DNAH6: variants seen among roughly 807,000 people sequenced by gnomAD.
DNAH6 encodes the protein axonemal beta dynein heavy chain 6.
Under a neutral mutation model 491.4 loss-of-function variants are expected in DNAH6, and 340 were observed. The ratio of observed to expected loss-of-function variants is 0.69; its 90% confidence interval spans 0.63 to 0.76. The LOEUF is 0.76. Among genes scored for constraint, DNAH6 ranks in the 30% least tolerant of loss-of-function variants. The pLI is 0.00. For missense variants in DNAH6, 4,443 were observed against 4,972.2 expected (o/e 0.89, Z 3.20); for synonymous variants, 1,603 against 1,686.1 (o/e 0.95, Z 1.21).
intron 4 of DNAH6, among the ~76,000 whole-genome samples, chr2:84,543,453 G>A (rs900134604): frequency 6.6e-6 from 1 of 151,986 alleles, no homozygotes; most frequent in Non-Finnish European, 1.5e-5. Context: ...TTTCAATAAG[G>A]TGCTATATCA....
At chr2:84,598,089 G>C (rs1187883458) in intron 18 of DNAH6, among the ~76,000 whole-genome samples, 1 of 142,506 alleles carries the variant, frequency 7.0e-6, no homozygotes, top group East Asian at 1.9e-4. Flanking sequence ...AAGTGAACTC[G>C]TGGTTACTCG....
chr2:84,477,606 A>T, the DNAH6 span, among the ~76,000 whole-genome samples: 1 of 152,120 alleles, frequency 6.6e-6, no homozygotes, highest in African/African-American at 2.4e-5. Flanking sequence ...TCCTTTACTG[A>T]TCATGGACAC....
chr2:84,571,740 C>T (rs1225284568), intron 11 of DNAH6, among the ~76,000 whole-genome samples: 1 of 149,540 alleles, frequency 6.7e-6, no homozygotes, highest in Non-Finnish European at 1.5e-5. Context: ...TGTGAAACCC[C>T]ATCTCTACTA....
intron 30 of DNAH6, 130 bp from the exon 31 acceptor site, chr2:84,637,080 G>A: frequency 6.9e-6 from 5 of 720,476 alleles, no homozygotes; most frequent in Non-Finnish European, 1.1e-5. Flanking sequence ...GTTCCCTGTT[G>A]TCCAACAATG....
At chr2:84,548,209 ATCTTT>A in intron 7 of DNAH6, 74 bp from the exon 8 acceptor site, 6 of 1,422,134 alleles carry the variant, frequency 4.2e-6, no homozygotes, top group South Asian at 1.5e-5. Flanking sequence ...AATTTTGTTT[ATCTTT>A]TCTTTGAATC....
At position 84,705,645 on chromosome 2, in the gene DNAH6, C is replaced by A. The variant is rs1696355036; in HGVS notation, c.8625C>A (p.Ser2875=). 3 of 1,551,312 alleles carry A rather than the reference C, an allele frequency of 1.9e-6. No individual in the cohort carries two copies. The highest frequency in any genetic ancestry group is 2.6e-6 in the Non-Finnish European group (3 of 1,146,910). ...DFVPEKVEKV[S]KACKSMCMWV... ...TGCCTGAAAAAGTGGAGAAAGTGTC[C>A]AAAGCATGTAAATCTATGTGCATGT... Residue 2875 remains serine (S), a synonymous_variant, in exon 52 of 77, where the codon TCC becomes TCA. Transcript: ENST00000389394.
chr2:84,731,751 C>A (rs114082388), intron 61 of DNAH6, among the ~76,000 whole-genome samples: 2 of 152,010 alleles, frequency 1.3e-5, no homozygotes, highest in Admixed American at 6.6e-5. Flanking sequence ...GACAGAGACA[C>A]AACATTATAA....
chr2:84,749,393 A>T lies in DNAH6; in HGVS notation c.10512+4144A>T, dbSNP rs186181453. On this transcript the variant is annotated intron_variant, in intron 63 of 76. Transcript: ENST00000389394. ...GAGAAATGATGTAGTTAGACTAGGG[A>T]TGTGGCACAGCTGGAAAGATGGGAG... Among the ~76,000 whole-genome samples the T allele has an allele frequency of 5.3e-5, 8 of 152,340 alleles. No individual in the cohort carries two copies. The East Asian group carries it at 1.5e-3, about 29-fold the overall frequency.
intron 72 of DNAH6, among the ~76,000 whole-genome samples, chr2:84,809,650 C>G (rs193059415): frequency 6.6e-6 from 1 of 152,264 alleles, no homozygotes; most frequent in African/African-American, 2.4e-5. Flanking sequence ...TCACTTTACT[C>G]TCCCCTAACA....
At chr2:84,650,852 A>G (rs1187754886) in intron 33 of DNAH6, among the ~76,000 whole-genome samples, 1 of 152,180 alleles carries the variant, frequency 6.6e-6, no homozygotes, top group Non-Finnish European at 1.5e-5. Flanking sequence ...TTTTCATTGA[A>G]ACCTACTTAT....
chr2:84,818,483 T>TAAAAAA (rs1396895235), intron 76 of DNAH6, among the ~76,000 whole-genome samples: 2 of 35,518 alleles, frequency 5.6e-5, no homozygotes, highest in African/African-American at 2.7e-4. Context: ...AGACCCTATC[T>TAAAAAA]CAAAAAAAAA....
chr2:84,804,789 G>C (rs765347099), intron 70 of DNAH6, among the ~76,000 whole-genome samples: 6 of 151,996 alleles, frequency 3.9e-5, no homozygotes, highest in Non-Finnish European at 8.8e-5. Context: ...ACAGTTCAGT[G>C]GCATTAAGTA....
chr2:84,662,298 G>C (rs962585046), intron 37 of DNAH6, among the ~76,000 whole-genome samples: 1 of 152,110 alleles, frequency 6.6e-6, no homozygotes, highest in African/African-American at 2.4e-5. Flanking sequence ...ATGGAGCAGG[G>C]TGGGGCATCA....
chr2:84,688,312 T>C (rs1694490541), intron 44 of DNAH6, 127 bp from the exon 45 acceptor site: 2 of 686,782 alleles, frequency 2.9e-6, no homozygotes, highest in South Asian at 5.6e-5. Flanking sequence ...TGAGCTCCTA[T>C]GTAAATTTTA....
chr2:84,750,932 A>G (rs1291218987), intron 63 of DNAH6: 3 of 152,224 alleles, frequency 2.0e-5, no homozygotes, highest in Non-Finnish European at 4.4e-5. Flanking sequence ...TCACAAATCA[A>G]TACTAATCAG....
chr2:84,585,787 C>A (rs1157311728), intron 15 of DNAH6, among the ~76,000 whole-genome samples: 1 of 152,224 alleles, frequency 6.6e-6, no homozygotes, highest in East Asian at 1.9e-4. Context: ...GTCCCATTAT[C>A]TGCTCAGCTC....
Position 84,682,490 on chromosome 2 carries a change from G to C in DNAH6, c.6916+962G>C, listed in dbSNP as rs80279958. On this transcript the variant is annotated intron_variant, in intron 42 of 76. Transcript: ENST00000389394. ...ACTCAGAGATGGCACTGGAGTGCCT[G>C]CCTCTAGCTCCCACCCCTACTCTAA... Among the ~76,000 whole-genome samples the C allele has an allele frequency of 2.9e-3, 436 of 152,272 alleles. 1 individual carries two copies. The highest frequency in any genetic ancestry group is 0.01 in the African/African-American group (416 of 41,554).
intron 12 of DNAH6, among the ~76,000 whole-genome samples, chr2:84,575,497 CAG>C (rs1168840292): frequency 1.3e-5 from 2 of 152,160 alleles, no homozygotes; most frequent in African/African-American, 2.4e-5. Context: ...AAAAGGAAAA[CAG>C]AGATCTATAG....
chr2:84,593,514 G>A lies in DNAH6; in HGVS notation c.2611-458G>A, dbSNP rs189059035. ...TGGTTAGAAAAGAGTCAGAAACCAC[G>A]CTGTCCTCTCCATCTTAAACTTCAC... On this transcript the variant is annotated intron_variant, in intron 16 of 76. Transcript: ENST00000389394. Among the ~76,000 whole-genome samples the A allele has an allele frequency of 1.2e-4, 18 of 152,192 alleles. No individual in the cohort carries two copies. The East Asian group carries it at 1.4e-3, about 11-fold the overall frequency.
Sources: gnomAD v4.1 joint callset for allele counts (sites outside exome capture counted in the v4.1 genomes callset) on GRCh38, gnomAD v4.1.1 for gene constraint, MANE v1.5 for transcripts, NCBI Gene and HGNC (gene_info 2026-07-23, HGNC 2026-07-21) for gene names.